The following PUM1 variants were observed in gnomAD, a reference collection of about 807,000 sequenced individuals.
PUM1 encodes the protein pumilio RNA binding family member 1.
Under a neutral mutation model 131.8 loss-of-function variants are expected in PUM1, and 13 were observed. The observed-to-expected ratio is 0.10, with a 90% CI of 0.06 to 0.16. PUM1 has a LOEUF of 0.16. PUM1 is among the 10% of genes least tolerant of loss of function. The pLI is 1.00. For synonymous variants in PUM1, 509 were observed against 556.5 expected, an observed-to-expected ratio of 0.91 and a Z score of 1.20; for missense variants, 961 against 1,512.4, an observed-to-expected ratio of 0.64 and a Z score of 6.05.
At chr1:30,948,242 A>G (rs1241356650) in intron 17 of PUM1, among the ~76,000 whole-genome samples, 1 of 152,196 alleles carries the variant, frequency 6.6e-6, no homozygotes, top group African/African-American at 2.4e-5. Flanking sequence ...AAATAAAGTC[A>G]AAGAATACTT....
intron 14 of PUM1, among the ~76,000 whole-genome samples, chr1:30,956,927 G>C (rs144208405): frequency 5.9e-4 from 89 of 150,994 alleles, no homozygotes; most frequent in African/African-American, 1.9e-3. Flanking sequence ...TGGATGTTCT[G>C]TTATTATGGG....
At chr1:30,985,979 G>C (rs1317930536) in intron 7 of PUM1, among the ~76,000 whole-genome samples, 1 of 151,714 alleles carries the variant, frequency 6.6e-6, no homozygotes, top group African/African-American at 2.4e-5. Context: ...TTTGGAGACA[G>C]AGTGAGACTC....
chr1:30,966,971 CCCAACCCA>C, intron 12 of PUM1, 188 bp downstream of exon 12: 1 of 609,792 alleles, frequency 1.6e-6, no homozygotes, highest in Admixed American at 3.5e-5. Context: ...CCACCCCTCC[CCCAACCCA>C]CCAACCCCCC....
intron 14 of PUM1, among the ~76,000 whole-genome samples, chr1:30,955,478 A>C (rs1282653024): frequency 6.7e-6 from 1 of 150,254 alleles, no homozygotes; most frequent in Admixed American, 6.7e-5. Flanking sequence ...AAAAAAAAAA[A>C]CCAAACCAAA....
At chr1:31,018,382 C>A (rs1437250187) in intron 3 of PUM1, among the ~76,000 whole-genome samples, 2 of 151,804 alleles carry the variant, frequency 1.3e-5, no homozygotes, top group South Asian at 2.1e-4. Context: ...TAAAGGCTGG[C>A]GAGGCGTGGT....
chr1:31,050,490 T>C (rs1644082613), intron 2 of PUM1, among the ~76,000 whole-genome samples: 1 of 152,080 alleles, frequency 6.6e-6, no homozygotes, highest in South Asian at 2.1e-4. Flanking sequence ...GAAAAAGTTA[T>C]AGTTGAAGAA....
At chr1:31,028,267 C>T (rs1161242606) in intron 3 of PUM1, among the ~76,000 whole-genome samples, 8 of 152,142 alleles carry the variant, frequency 5.3e-5, no homozygotes, top group Admixed American at 5.2e-4. Flanking sequence ...TGGCTCAGCT[C>T]TCTACCTTCT....
At chr1:30,934,447 A>G (rs1284164214) in intron 21 of PUM1, among the ~76,000 whole-genome samples, 1 of 152,148 alleles carries the variant, frequency 6.6e-6, no homozygotes, top group Non-Finnish European at 1.5e-5. Flanking sequence ...CTGTGTCCTC[A>G]AAGCAAGGAA....
At chr1:31,056,547 T>G (rs1467675339) in intron 2 of PUM1, among the ~76,000 whole-genome samples, 2 of 148,726 alleles carry the variant, frequency 1.3e-5, no homozygotes, top group African/African-American at 2.5e-5. Flanking sequence ...CCTCCCAAAG[T>G]GTTGAGATTG....
intron 14 of PUM1, among the ~76,000 whole-genome samples, chr1:30,961,457 G>C (rs538263340): frequency 1.3e-5 from 2 of 151,954 alleles, no homozygotes; most frequent in East Asian, 1.9e-4. Context: ...CCAGGAGTTT[G>C]AGGTTACAGT....
intron 2 of PUM1, among the ~76,000 whole-genome samples, chr1:31,035,970 C>T (rs956036057): frequency 6.6e-6 from 1 of 152,046 alleles, no homozygotes; most frequent in African/African-American, 2.4e-5. Context: ...ACTGGCACTG[C>T]GAAACAGACG....
At chr1:30,970,599 C>T (rs567038119) in intron 10 of PUM1, among the ~76,000 whole-genome samples, 143 of 152,188 alleles carry the variant, frequency 9.4e-4, no homozygotes, top group Middle Eastern at 3.4e-3. Context: ...ATAGAAGAGT[C>T]GGGGGGCTGT....
At chr1:30,980,294 GT>G in intron 8 of PUM1, 131 bp from the exon 9 acceptor site, 3 of 725,268 alleles carry the variant, frequency 4.1e-6, no homozygotes. Flanking sequence ...GACGGGACAG[GT>G]TGAGGGTAAA....
At chr1:30,946,495 G>A (rs1476135353) in intron 17 of PUM1, among the ~76,000 whole-genome samples, 1 of 151,648 alleles carries the variant, frequency 6.6e-6, no homozygotes, top group Non-Finnish European at 1.5e-5. Context: ...AAATTAGCTG[G>A]GCATGGTGGT....
chr1:30,967,935 T>C (rs1033808175), intron 11 of PUM1, among the ~76,000 whole-genome samples: 4 of 152,230 alleles, frequency 2.6e-5, no homozygotes, highest in African/African-American at 7.2e-5. Context: ...ACCCCTACTA[T>C]TGGTTTAAGA....
intron 2 of PUM1, among the ~76,000 whole-genome samples, chr1:31,050,176 T>C (rs1644075409): frequency 2.0e-5 from 3 of 152,068 alleles, no homozygotes; most frequent in Non-Finnish European, 4.4e-5. Flanking sequence ...CTTAAAGTTA[T>C]AATCAGGCTA....
chr1:30,957,087 T>TATAC (rs1553145748), intron 14 of PUM1, among the ~76,000 whole-genome samples: 3 of 139,904 alleles, frequency 2.1e-5, no homozygotes, highest in African/African-American at 5.5e-5. Flanking sequence ...AGGACATTCA[T>TATAC]ACACACACAC....
intron 18 of PUM1, among the ~76,000 whole-genome samples, chr1:30,944,614 CA>C (rs1639592790): frequency 6.6e-6 from 1 of 152,070 alleles, no homozygotes; most frequent in South Asian, 2.1e-4. Context: ...GCATCCCTTC[CA>C]AAAAAATTTA....
rs111382323 is a variant in PUM1, at chr1:30,955,750, C to A, written c.2324-1769G>T. Among the ~76,000 whole-genome samples, 1,270 of 152,224 alleles carry A rather than the reference C, an allele frequency of 8.3e-3. 22 individuals are homozygous for A. The highest frequency in any genetic ancestry group is 0.028 in the African/African-American group (1,179 of 41,528). On this transcript the variant is annotated intron_variant, in intron 14 of 21. Transcript: ENST00000426105. ...TGTCTGGTTTGGGGTTTAATGGTAGCCACAAAAAGATACCCAGGCTGGACT... is the reference window on the plus strand; with the variant it reads ...TGTCTGGTTTGGGGTTTAATGGTAGACACAAAAAGATACCCAGGCTGGACT...
Sources: allele counts gnomAD v4.1 joint callset (sites outside exome capture counted in the v4.1 genomes callset), GRCh38; gene constraint gnomAD v4.1.1; transcripts MANE v1.5; gene names NCBI Gene and HGNC (gene_info 2026-07-23, HGNC 2026-07-21).